CSMD2: variants seen among roughly 807,000 people sequenced by gnomAD.
CSMD2 encodes CUB and Sushi multiple domains 2, also known as CUB and sushi domain-containing protein 2.
A neutral mutation model predicts 398.5 loss-of-function variants in CSMD2; 130 were observed. The observed-to-expected ratio is 0.33, with a 90% CI of 0.28 to 0.38. CSMD2 has a LOEUF of 0.38. Among genes scored for constraint, CSMD2 ranks in the 10% least tolerant of loss-of-function variants. The pLI, the probability that CSMD2 is intolerant of heterozygous loss-of-function variation, is 1.00. For synonymous variants in CSMD2, 1,828 were observed against 1,908.5 expected (o/e 0.96, Z 1.10); for missense variants, 3,829 against 4,764.9 (o/e 0.80, Z 5.78).
chr1:33,652,968 A>C (rs1377269459), intron 27 of CSMD2, among the ~76,000 whole-genome samples: 1 of 152,124 alleles, frequency 6.6e-6, no homozygotes, highest in Non-Finnish European at 1.5e-5. Context: ...TGTATTAGCC[A>C]GGATGGTCTT....
At position 33,572,518 on chromosome 1, in the gene CSMD2, G is replaced by C. The variant is rs1192901938; in HGVS notation, c.7750C>G (p.Pro2584Ala). ...CCCGAGGACTCACGGACACACTGTG[G>C]TGGGACATTGCGGTTGCTCCATAGG... ...TGLWSNRNVP[P>A]QCVPVTCPDV... The change falls in exon 50 of 71, where the codon CCA becomes GCA. Residue 2584 changes from proline to alanine, a missense_variant. This residue lies in a region of CSMD2 where 723 missense variants were observed against 758.6 expected (regional missense o/e 0.95). Transcript: ENST00000373381. 1.1e-5 allele frequency: 18 copies of C among 1,607,776 alleles called. No homozygotes were observed. The highest frequency in any genetic ancestry group is 1.5e-5 in the Non-Finnish European group (18 of 1,176,090).
At chr1:33,821,838 G>A (rs1658190150) in intron 7 of CSMD2, among the ~76,000 whole-genome samples, 1 of 152,196 alleles carries the variant, frequency 6.6e-6, no homozygotes, top group Non-Finnish European at 1.5e-5. Context: ...GGAAGAGGTG[G>A]CATCGAACAT....
intron 3 of CSMD2, among the ~76,000 whole-genome samples, chr1:33,996,206 G>A (rs935619778): frequency 6.6e-6 from 1 of 152,204 alleles, no homozygotes; most frequent in African/African-American, 2.4e-5. Context: ...AGAGCAATAT[G>A]CAATCACCAT....
chr1:33,521,683 C>T (rs534556213), intron 67 of CSMD2, 133 bp from the exon 68 acceptor site: 2 of 691,944 alleles, frequency 2.9e-6, no homozygotes, highest in East Asian at 2.7e-5. Flanking sequence ...TGTTCTCTGC[C>T]CACACCTAGG....
At chr1:33,749,636 T>C (rs1054605746) in intron 13 of CSMD2, among the ~76,000 whole-genome samples, 1 of 152,088 alleles carries the variant, frequency 6.6e-6, no homozygotes, top group African/African-American at 2.4e-5. Flanking sequence ...AAATTTCTGA[T>C]TGGTTTGCTC....
rs1428587915 is a variant in CSMD2, at chr1:33,533,001, C to T, written c.10171+49G>A. The T allele has an allele frequency of 6.6e-7, 1 of 1,515,998 alleles. No homozygotes were observed. Among genetic ancestry groups the T allele is most frequent in the East Asian group, 2.3e-5 (1 of 43,676 alleles). The allele number at this position is 1,515,998 out of a possible 1,614,324, so 93.9% of individuals were successfully genotyped here. A position where few individuals can be genotyped will look rare whatever the true frequency, so the allele number is the denominator to read the frequency against. ...CCTCTTTCAGCTCAAGTTCAGCCAG[C>T]ACTTTCAGCCTCCCGCCCTGGAGAG... On this transcript the variant is annotated intron_variant, in intron 64 of 70. Transcript: ENST00000373381. The surrounding 1 kb of genome is among the most constrained non-coding windows in gnomAD (Gnocchi z 4.2).
At chr1:33,548,149 T>A (rs1657086848) in intron 56 of CSMD2, among the ~76,000 whole-genome samples, 1 of 152,200 alleles carries the variant, frequency 6.6e-6, no homozygotes. Flanking sequence ...CTGTACAGCC[T>A]GCAGAACTGT....
chr1:33,752,014 T>C (rs970873993), intron 13 of CSMD2, among the ~76,000 whole-genome samples: 1 of 152,140 alleles, frequency 6.6e-6, no homozygotes, highest in Non-Finnish European at 1.5e-5. Flanking sequence ...AGAAGGGAAG[T>C]GGCTGAAGAG....
At chr1:33,657,860 C>T (rs764396223) in intron 27 of CSMD2, 86 bp downstream of exon 27, 3 of 1,332,120 alleles carry the variant, frequency 2.3e-6, no homozygotes, top group Non-Finnish European at 3.1e-6. Context: ...GCCCCAGGCC[C>T]AAGATGCAGC....
intron 1 of CSMD2, among the ~76,000 whole-genome samples, chr1:34,106,466 A>G (rs1660536050): frequency 6.6e-6 from 1 of 152,232 alleles, no homozygotes; most frequent in Non-Finnish European, 1.5e-5. Context: ...AACAAGTAGC[A>G]ATGGAAAAGC....
intron 1 of CSMD2, among the ~76,000 whole-genome samples, chr1:34,138,491 T>C (rs1447929194): frequency 6.6e-6 from 1 of 152,238 alleles, no homozygotes; most frequent in African/African-American, 2.4e-5. Context: ...TCTACAGGAC[T>C]GTCAAGAGAC....
At chr1:33,934,815 G>C (rs968011301) in intron 4 of CSMD2, among the ~76,000 whole-genome samples, 11 of 139,836 alleles carry the variant, frequency 7.9e-5, no homozygotes, top group Non-Finnish European at 1.2e-4. Flanking sequence ...GGGCAACATA[G>C]AGAGACTCTG....
At position 34,091,142 on chromosome 1, in the gene CSMD2, C is replaced by T. The variant is rs532450146; in HGVS notation, c.188-1949G>A. 8.5e-5 allele frequency among the ~76,000 whole-genome samples: 13 copies of T among 152,312 alleles called. No individual in the cohort carries two copies. In the East Asian group the frequency reaches 2.5e-3, roughly 29 times the overall value. Reference sequence around the variant, plus strand: ...CTTATTATAAAAGTAAATCTCCATGCTTCCAAGTGATTGTTTCACAAGTAT... The same window carrying T: ...CTTATTATAAAAGTAAATCTCCATGTTTCCAAGTGATTGTTTCACAAGTAT... On this transcript the variant is annotated intron_variant, in intron 1 of 70. Coordinates refer to ENST00000373381, the MANE Select transcript of CSMD2 (RefSeq NM_001281956.2).
Position 33,663,011 on chromosome 1 carries a change from C to T in CSMD2, c.4134G>A (p.Leu1378=). 6.2e-7 allele frequency: 1 copy of T among 1,614,188 alleles called. No individual in the cohort carries two copies. The highest frequency in any genetic ancestry group is 1.7e-5 in the Admixed American group (1 of 60,030). ...GGGCCGGGCCACTCAGCTCCTTCAGCAGAACCCCGCTCTCCACAGGCCCAT... is the reference window on the plus strand; with the variant it reads ...GGGCCGGGCCACTCAGCTCCTTCAGTAGAACCCCGCTCTCCACAGGCCCAT... ...IWDGPVESGV[L]LKELSGPALP... Residue 1378 remains leucine (L), a synonymous_variant, in exon 26 of 71, where the codon CTG becomes CTA. Coordinates refer to ENST00000373381, the MANE Select transcript of CSMD2 (RefSeq NM_001281956.2).
intron 48 of CSMD2, among the ~76,000 whole-genome samples, chr1:33,577,915 A>G (rs940023865): frequency 1.8e-4 from 28 of 152,288 alleles, no homozygotes; most frequent in Admixed American, 1.6e-3. Flanking sequence ...TGATCTGACC[A>G]GTTTCTGTAA....
At chr1:33,801,166 C>G (rs1474050680) in intron 10 of CSMD2, among the ~76,000 whole-genome samples, 1 of 152,180 alleles carries the variant, frequency 6.6e-6, no homozygotes, top group Non-Finnish European at 1.5e-5. Context: ...TTTCCCTCTT[C>G]CTTCCATGCC....
intron 3 of CSMD2, among the ~76,000 whole-genome samples, chr1:33,975,878 C>G (rs1029485887): frequency 1.3e-5 from 2 of 152,206 alleles, no homozygotes; most frequent in Non-Finnish European, 1.5e-5. Flanking sequence ...GTGTATTCCT[C>G]GCTCCCTCCA....
At chr1:33,680,792 T>A (rs1406318094) in intron 25 of CSMD2, among the ~76,000 whole-genome samples, 3 of 152,174 alleles carry the variant, frequency 2.0e-5, no homozygotes, top group Non-Finnish European at 4.4e-5. Context: ...AGCACTGGAC[T>A]GTGAAGTGTG....
intron 6 of CSMD2, among the ~76,000 whole-genome samples, chr1:33,831,766 C>T (rs1388652084): frequency 1.3e-5 from 2 of 151,890 alleles, no homozygotes; most frequent in African/African-American, 4.8e-5. Context: ...TCAGGAAACC[C>T]ATCTCACGTG....
Sources: gnomAD v4.1 joint callset for allele counts (sites outside exome capture counted in the v4.1 genomes callset) on GRCh38, gnomAD v4.1.1 for gene constraint, gnomAD v4.1.1 regional missense constraint, Gnocchi (gnomAD v3.1) non-coding constraint, MANE v1.5 for transcripts, NCBI Gene and HGNC (gene_info 2026-07-23, HGNC 2026-07-21) for gene names.